MEMO1: variants seen among roughly 807,000 people sequenced by gnomAD.
MEMO1 encodes mediator of cell motility 1.
In MEMO1, 6 loss-of-function variants were observed where a neutral mutation model predicts 45.2. The ratio of observed to expected loss-of-function variants is 0.13; its 90% CI spans 0.07 to 0.26. The LOEUF (loss-of-function observed/expected upper bound fraction) is 0.26. Ranked by LOEUF, MEMO1 falls within the 10% of genes least tolerant of loss-of-function variation. The probability of loss-of-function intolerance (pLI) is 1.00; values close to 1 mark genes in which losing one functional copy is unlikely to be tolerated. For synonymous variants in MEMO1, 78 were observed against 124.3 expected (o/e 0.63, Z 2.48); for missense variants, 184 against 370.5 (o/e 0.50, Z 4.13).
At chr2:31,944,596 T>C (rs1665985344) in intron 2 of MEMO1, among the ~76,000 whole-genome samples, 1 of 152,218 alleles carries the variant, frequency 6.6e-6, no homozygotes, top group South Asian at 2.1e-4. Context: ...GGTATTTCTG[T>C]ACTGGATCCC....
At chr2:31,962,725 G>A (rs1362383283) in intron 2 of MEMO1, among the ~76,000 whole-genome samples, 1 of 152,118 alleles carries the variant, frequency 6.6e-6, no homozygotes, top group African/African-American at 2.4e-5. Context: ...GGCATTCATT[G>A]ACTGACAACA....
chr2:31,925,989 C>T (rs1370564910), intron 4 of MEMO1, among the ~76,000 whole-genome samples: 1 of 152,172 alleles, frequency 6.6e-6, no homozygotes, highest in Non-Finnish European at 1.5e-5. Context: ...ACATTTTCCT[C>T]ATGGAACAAA....
intron 3 of MEMO1, among the ~76,000 whole-genome samples, chr2:31,934,583 G>A (rs1159185369): frequency 2.6e-5 from 4 of 152,156 alleles, no homozygotes; most frequent in Admixed American, 1.3e-4. Flanking sequence ...AAGACTAAAG[G>A]AAGAACATGA....
In MEMO1 at chr2:31,920,978, G is replaced by A. The variant is rs1221038966; in HGVS notation, c.213-68C>T. 3 of 1,060,562 alleles carry A rather than the reference G, an allele frequency of 2.8e-6. No individual in the cohort carries two copies. In the Admixed American group the frequency reaches 6.7e-5, roughly 24 times the overall value. 65.7% of individuals were successfully genotyped at this position (1,060,562 alleles called of 1,614,324 possible). On this transcript the variant is annotated intron_variant, in intron 4 of 9. Coordinates refer to ENST00000404530, the MANE Select transcript of MEMO1 (RefSeq NM_001301833.4). ...TACACAAACCTTATTAAATAAAAGA[G>A]AAAAAAGTAATTCTTACAAATCACT...
chr2:31,996,618 G>T (rs1401102986), intron 2 of MEMO1, among the ~76,000 whole-genome samples: 1 of 152,092 alleles, frequency 6.6e-6, no homozygotes, highest in African/African-American at 2.4e-5. Flanking sequence ...CTGCTCTTAA[G>T]AATTCATAGA....
In MEMO1 at chr2:31,937,620, T is replaced by C. The variant is rs541545335; in HGVS notation, c.144-5485A>G. On this transcript the variant is annotated intron_variant, in intron 3 of 9. Transcript: ENST00000404530. ...TAATTTTTATATTAAAAGTAACACA[T>C]GCACACAGTAAAAAAGTCAAACAAT... Among the ~76,000 whole-genome samples, 431 of 152,284 alleles carry C rather than the reference T, an allele frequency of 2.8e-3. 1 individual carries two copies. Among genetic ancestry groups the C allele is most frequent in the Non-Finnish European group, 4.5e-3 (306 of 68,008 alleles).
At chr2:31,872,831 G>A (rs1481678995) in intron 8 of MEMO1, among the ~76,000 whole-genome samples, 7 of 151,978 alleles carry the variant, frequency 4.6e-5, no homozygotes. Flanking sequence ...AGGAAAGATG[G>A]GAAAACTAAG....
At chr2:32,003,057 A>ACC (rs1673608339) in intron 2 of MEMO1, among the ~76,000 whole-genome samples, 1 of 152,176 alleles carries the variant, frequency 6.6e-6, no homozygotes, top group Non-Finnish European at 1.5e-5. Flanking sequence ...AAAGAGAAAT[A>ACC]TTTTTATTAT....
At chr2:31,961,754 G>A (rs147384590) in intron 2 of MEMO1, among the ~76,000 whole-genome samples, 153 of 152,044 alleles carry the variant, frequency 1.0e-3, no homozygotes, top group African/African-American at 3.5e-3. Context: ...CTGCAGCCTG[G>A]GTGACAAAGT....
intron 4 of MEMO1, among the ~76,000 whole-genome samples, chr2:31,922,679 C>T (rs576812168): frequency 2.6e-5 from 4 of 151,932 alleles, no homozygotes; most frequent in South Asian, 2.1e-4. Flanking sequence ...CCCTTCCTTA[C>T]GTCCATATGT....
chr2:31,967,127 T>A (rs1236561457), intron 2 of MEMO1, among the ~76,000 whole-genome samples: 1 of 146,440 alleles, frequency 6.8e-6, no homozygotes, highest in African/African-American at 2.5e-5. Context: ...GTATTTTATT[T>A]TTTTTTTTTT....
At chr2:31,993,773 G>C (rs1437565345) in intron 2 of MEMO1, among the ~76,000 whole-genome samples, 1 of 151,832 alleles carries the variant, frequency 6.6e-6, no homozygotes, top group East Asian at 1.9e-4. Context: ...CTGATTATAT[G>C]GCAGATTTAG....
At chr2:31,961,118 GAGGCCA>G (rs1667958279) in intron 2 of MEMO1, among the ~76,000 whole-genome samples, 1 of 152,184 alleles carries the variant, frequency 6.6e-6, no homozygotes, top group Non-Finnish European at 1.5e-5. Flanking sequence ...AGCACTTTGG[GAGGCCA>G]AGGCGGACAG....
At chr2:31,933,175 C>T (rs1180872159) in intron 3 of MEMO1, among the ~76,000 whole-genome samples, 2 of 150,034 alleles carry the variant, frequency 1.3e-5, no homozygotes, top group Non-Finnish European at 3.0e-5. Context: ...TAGAAAATAG[C>T]GAGGCATGGT....
chr2:31,969,575 G>A (rs879768934), intron 2 of MEMO1, among the ~76,000 whole-genome samples: 141 of 101,716 alleles, frequency 1.4e-3, no homozygotes, highest in Non-Finnish European at 2.4e-3. Flanking sequence ...TTTTCTGGGG[G>A]TGTGTGTGTG....
At chr2:31,916,083 G>C (rs1681394046) in intron 6 of MEMO1, among the ~76,000 whole-genome samples, 1 of 152,010 alleles carries the variant, frequency 6.6e-6, no homozygotes, top group Non-Finnish European at 1.5e-5. Flanking sequence ...TTATAAATAG[G>C]AATTTGGTTT....
intron 8 of MEMO1, among the ~76,000 whole-genome samples, chr2:31,876,250 C>CA (rs1674547210): frequency 6.6e-6 from 1 of 152,142 alleles, no homozygotes; most frequent in African/African-American, 2.4e-5. Context: ...AAGGTCTTTG[C>CA]ACTGGCAACT....
At chr2:32,002,333 A>G (rs913164801) in intron 2 of MEMO1, among the ~76,000 whole-genome samples, 4 of 149,062 alleles carry the variant, frequency 2.7e-5, no homozygotes, top group African/African-American at 7.3e-5. Context: ...ATACATATAT[A>G]CATATACATA....
At chr2:31,955,919 T>C (rs752566278) in intron 2 of MEMO1, among the ~76,000 whole-genome samples, 1 of 152,298 alleles carries the variant, frequency 6.6e-6, no homozygotes, top group East Asian at 1.9e-4. Flanking sequence ...TCCACGTTTA[T>C]TTCAAAACGC....
Sources: gnomAD v4.1 joint callset for allele counts (sites outside exome capture counted in the v4.1 genomes callset) on GRCh38, gnomAD v4.1.1 for gene constraint, MANE v1.5 for transcripts, NCBI Gene and HGNC (gene_info 2026-07-23, HGNC 2026-07-21) for gene names.